Variants in RUNX1T1 observed in about 807,000 individuals in gnomAD.
The protein encoded by RUNX1T1 is protein CBFA2T1.
A neutral mutation model predicts 62.8 loss-of-function variants in RUNX1T1; 4 were observed. That is an observed-to-expected ratio of 0.06 (90% CI 0.03 to 0.15). The LOEUF is 0.15. Among genes scored for constraint, RUNX1T1 ranks in the 10% least tolerant of loss-of-function variants. The probability of loss-of-function intolerance (pLI) is 1.00; values close to 1 mark genes in which losing one functional copy is unlikely to be tolerated. For synonymous variants in RUNX1T1, 291 were observed against 286.0 expected, an observed-to-expected ratio of 1.02 and a Z score of -0.18; for missense variants, 508 against 754.3, an observed-to-expected ratio of 0.67 and a Z score of 3.82.
chr8:92,021,986 CGA>C (rs1247370602), intron 1 of RUNX1T1, among the ~76,000 whole-genome samples: 6 of 151,036 alleles, frequency 4.0e-5, no homozygotes, highest in African/African-American at 1.5e-4. Flanking sequence ...TCAACTGCCC[CGA>C]GCAACAGCCA....
chr8:92,064,332 T>C (rs768988439), upstream of RUNX1T1, among the ~76,000 whole-genome samples: 79 of 152,200 alleles, frequency 5.2e-4, no homozygotes, highest in Non-Finnish European at 1.0e-3. Flanking sequence ...TTCATAACGA[T>C]TACTCTGTTC....
rs143503958 is a variant in RUNX1T1 at position 92,011,831 on chromosome 8, A to C, written c.388-740T>G. 7.2e-3 allele frequency among the ~76,000 whole-genome samples: 1,091 copies of C among 152,342 alleles called. 13 individuals are homozygous for C. The highest frequency in any genetic ancestry group is 0.024 in the African/African-American group (1,016 of 41,578). ...AAAAAACAAGCCCCAAATACTCAGG[A>C]TTTGTATCCTACAATAGATAATGTG... On this transcript the variant is annotated intron_variant, in intron 3 of 10. Coordinates refer to ENST00000396218, the Ensembl canonical transcript of RUNX1T1.
At chr8:92,095,482 T>C in intron 1 of RUNX1T1, 1 of 1,529,850 alleles carries the variant, frequency 6.5e-7, no homozygotes, top group Non-Finnish European at 8.7e-7. Context: ...TGTGAGTGAG[T>C]GTGTGAGCGC....
intron 1 of RUNX1T1, among the ~76,000 whole-genome samples, chr8:92,033,955 C>T (rs775096127): frequency 2.6e-5 from 4 of 151,328 alleles, no homozygotes; most frequent in Admixed American, 1.3e-4. Context: ...GGCAATAGAG[C>T]GAGACTCTGT....
At chr8:92,040,318 A>G (rs558338589) in intron 1 of RUNX1T1, among the ~76,000 whole-genome samples, 5 of 152,244 alleles carry the variant, frequency 3.3e-5, no homozygotes, top group African/African-American at 1.2e-4. Context: ...CACTTATTAC[A>G]ACTATTATAT....
intron 1 of RUNX1T1, among the ~76,000 whole-genome samples, chr8:92,096,067 T>C (rs1837722994): frequency 1.3e-5 from 2 of 152,158 alleles, no homozygotes; most frequent in Non-Finnish European, 2.9e-5. Context: ...CTAACCCCAA[T>C]ACTCCTAAAT....
intron 8 of RUNX1T1, among the ~76,000 whole-genome samples, chr8:91,979,321 G>C (rs1814676529): frequency 6.6e-6 from 1 of 152,084 alleles, no homozygotes; most frequent in Non-Finnish European, 1.5e-5. Flanking sequence ...TAGAATACTG[G>C]CTAATCTAAA....
chr8:92,093,173 C>T (rs192363747), intron 1 of RUNX1T1, among the ~76,000 whole-genome samples: 2 of 152,252 alleles, frequency 1.3e-5, no homozygotes, highest in East Asian at 3.9e-4. Context: ...GTATAAAGGA[C>T]TAGTTTTGTT....
intron 1 of RUNX1T1, among the ~76,000 whole-genome samples, chr8:92,089,056 A>G (rs1403953683): frequency 1.3e-5 from 2 of 152,202 alleles, no homozygotes; most frequent in Non-Finnish European, 2.9e-5. Flanking sequence ...CTAATGTCAG[A>G]TGAAAATATC....
At chr8:92,065,812 C>G (rs568839150), upstream of RUNX1T1, among the ~76,000 whole-genome samples, 1 of 152,310 alleles carries the variant, frequency 6.6e-6, no homozygotes, top group South Asian at 2.1e-4. Context: ...GTCTTCTCAA[C>G]TTTCCTCTCG....
chr8:91,981,356 C>G (rs1057023236), intron 8 of RUNX1T1, among the ~76,000 whole-genome samples: 2 of 147,286 alleles, frequency 1.4e-5, no homozygotes, highest in African/African-American at 5.1e-5. Context: ...TACCAACCCA[C>G]TTGGGACAGG....
At chr8:92,096,031 A>T (rs567842816) in intron 1 of RUNX1T1, among the ~76,000 whole-genome samples, 1 of 152,342 alleles carries the variant, frequency 6.6e-6, no homozygotes, top group Admixed American at 6.5e-5. Flanking sequence ...ACCAACCTCA[A>T]GTCGGAGTTC....
At chr8:92,012,126 C>T (rs1034590301) in intron 3 of RUNX1T1, among the ~76,000 whole-genome samples, 1 of 152,168 alleles carries the variant, frequency 6.6e-6, no homozygotes, top group South Asian at 2.1e-4. Flanking sequence ...TTCATACCCC[C>T]ACACTCAAAA....
intron 1 of RUNX1T1, among the ~76,000 whole-genome samples, chr8:92,029,029 G>C (rs1421510055): frequency 6.6e-6 from 1 of 152,196 alleles, no homozygotes. Context: ...CGGTAGCACA[G>C]ACACTCAGTA....
chr8:92,002,182 T>G (rs1819887252), intron 5 of RUNX1T1, among the ~76,000 whole-genome samples: 1 of 152,152 alleles, frequency 6.6e-6, no homozygotes, highest in Admixed American at 6.6e-5. Context: ...AGGAAAGAAA[T>G]AACATAATTT....
chr8:92,039,898 G>A (rs540885151), intron 1 of RUNX1T1, among the ~76,000 whole-genome samples: 29 of 152,054 alleles, frequency 1.9e-4, no homozygotes, highest in Admixed American at 1.4e-3. Flanking sequence ...GGCCCATCAG[G>A]TCCTCATGTT....
chr8:92,081,430 C>T (rs1228249189), intron 1 of RUNX1T1: 1 of 179,550 alleles, frequency 5.6e-6, no homozygotes, highest in Non-Finnish European at 1.1e-5. Flanking sequence ...GTGATAAAAA[C>T]AAAATACCTA....
exon 11 of RUNX1T1, chr8:91,959,413 TGTG>T (rs1809888284): frequency 1.9e-5 from 1 of 52,756 alleles, no homozygotes. Flanking sequence ...GTCTCTTACT[TGTG>T]TGTGTGTGTG....
At chr8:91,988,164 G>C (rs1816947299) in intron 6 of RUNX1T1, among the ~76,000 whole-genome samples, 1 of 152,024 alleles carries the variant, frequency 6.6e-6, no homozygotes, top group Non-Finnish European at 1.5e-5. Flanking sequence ...CACAAATAAA[G>C]ATGAGTCACA....
Sources: gnomAD v4.1 joint callset for allele counts (sites outside exome capture counted in the v4.1 genomes callset) on GRCh38, gnomAD v4.1.1 for gene constraint, MANE v1.5 for transcripts, NCBI Gene and HGNC (gene_info 2026-07-23, HGNC 2026-07-21) for gene names.